The following TRPV2 variants were observed in gnomAD, a reference collection of about 807,000 sequenced individuals.
The protein encoded by TRPV2 is OTRPC2.
In TRPV2, 58 loss-of-function variants were observed where a neutral mutation model predicts 91.0. That is an observed-to-expected ratio of 0.64 (90% confidence interval 0.52 to 0.79). The LOEUF is 0.79. TRPV2 is among the 30% of genes least tolerant of loss of function. The pLI is 0.00. For missense variants in TRPV2, 807 were observed against 969.6 expected (o/e 0.83, Z 2.23); for synonymous variants, 417 against 414.8 (o/e 1.01, Z -0.06).
chr17:16,421,256 C>T lies in TRPV2; in HGVS notation c.334+1008C>T, dbSNP rs1313282617. ...ACGGAGTCTTGCTCTGTTGCCCAGC[C>T]TGGAGTACAGTGGTGCGATCTCAGT... On this transcript the variant is annotated intron_variant, in intron 3 of 14. Coordinates refer to ENST00000338560, the MANE Select transcript of TRPV2 (RefSeq NM_016113.5). 4.6e-5 allele frequency among the ~76,000 whole-genome samples: 7 copies of T among 151,974 alleles called. No homozygotes were observed. In the South Asian group the frequency reaches 8.3e-4, roughly 18 times the overall value.
At chr17:16,427,191 G>T (rs1327752227) in intron 7 of TRPV2, among the ~76,000 whole-genome samples, 2 of 152,186 alleles carry the variant, frequency 1.3e-5, no homozygotes, top group Non-Finnish European at 2.9e-5. Context: ...TAAGTAACTT[G>T]CCCAGGGTCA....
At chr17:16,431,895 T>TC in intron 11 of TRPV2, 45 bp downstream of exon 11, 1 of 1,613,684 alleles carries the variant, frequency 6.2e-7, no homozygotes. Context: ...ACGTTCCTTG[T>TC]CCACCCTGTA....
rs1322683763 is a variant in TRPV2, at chr17:16,428,449, G to A, written c.1421+62G>A. ...TCTGAGGTCTGGAAGGGGCAGTTGT[G>A]GCAGAAGGCACCAGGTTGGCTTTAG... On this transcript the variant is annotated intron_variant, in intron 9 of 14. Coordinates refer to ENST00000338560, the MANE Select transcript of TRPV2 (RefSeq NM_016113.5). The A allele has an allele frequency of 5.8e-6, 9 of 1,562,236 alleles. No individual in the cohort carries two copies. In the East Asian group the frequency reaches 1.1e-4, roughly 19 times the overall value.
At chr17:16,422,399 G>A (rs1274722897) in intron 3 of TRPV2, among the ~76,000 whole-genome samples, 200 bp from the exon 4 acceptor site, 1 of 151,964 alleles carries the variant, frequency 6.6e-6, no homozygotes, top group Non-Finnish European at 1.5e-5. Flanking sequence ...AGAAATTGTA[G>A]TCATGTCTGT....
intron 12 of TRPV2, among the ~76,000 whole-genome samples, chr17:16,432,870 A>G (rs1039063340): frequency 2.0e-5 from 3 of 151,118 alleles, no homozygotes; most frequent in Admixed American, 1.3e-4. Context: ...CAATGGTGCA[A>G]TCTTGGCTCA....
intron 5 of TRPV2, among the ~76,000 whole-genome samples, chr17:16,425,684 G>C (rs1213464360): frequency 6.6e-6 from 1 of 152,130 alleles, no homozygotes; most frequent in African/African-American, 2.4e-5. Context: ...CGTGAAACCA[G>C]ACTGCTTCCT....
intron 1 of TRPV2, among the ~76,000 whole-genome samples, chr17:16,417,154 C>T (rs538765567): frequency 1.3e-5 from 2 of 152,302 alleles, no homozygotes; most frequent in South Asian, 2.1e-4. Context: ...TCCTGGCCCA[C>T]TTCCCCTGCA....
intron 12 of TRPV2, chr17:16,433,255 G>T (rs531665777): frequency 2.9e-5 from 8 of 275,902 alleles, no homozygotes; most frequent in Admixed American, 4.9e-5. Context: ...TTCTGTTCCT[G>T]GTGGTGTGGC....
At position 16,432,318 on chromosome 17, in the gene TRPV2, C is replaced by G; in HGVS notation, c.1989+18C>G. Reference sequence around the variant, plus strand: ...AGCTGCAGGTGCCACCAGAGAGGCTCCCTGCCCCCACCCCACCCCACACTC... The same window carrying G: ...AGCTGCAGGTGCCACCAGAGAGGCTGCCTGCCCCCACCCCACCCCACACTC... On this transcript the variant is annotated intron_variant, in intron 12 of 14. Transcript: ENST00000338560. The G allele has an allele frequency of 6.3e-7, 1 of 1,585,886 alleles. No individual in the cohort carries two copies. Among genetic ancestry groups the G allele is most frequent in the South Asian group, 1.1e-5 (1 of 87,338 alleles).
Position 16,426,903 on chromosome 17 carries a change from A to G in TRPV2, c.1251+26A>G. On this transcript the variant is annotated intron_variant, in intron 7 of 14. Transcript: ENST00000338560. This position sits in a 1 kb window ranked among gnomAD's most constrained non-coding sequence, Gnocchi z 6.0. Reference sequence around the variant, plus strand: ...GCAAGGGCGTGAGGTTTGGGGGGGCACATCTTGGGGGAGGCCTGCTTGAAA... The same window carrying G: ...GCAAGGGCGTGAGGTTTGGGGGGGCGCATCTTGGGGGAGGCCTGCTTGAAA... 6.3e-7 allele frequency: 1 copy of G among 1,593,076 alleles called. No homozygotes were observed. The highest frequency in any genetic ancestry group is 8.6e-7 in the Non-Finnish European group (1 of 1,168,446).
intron 7 of TRPV2, among the ~76,000 whole-genome samples, chr17:16,427,139 C>A (rs2093387370): frequency 6.6e-6 from 1 of 152,194 alleles, no homozygotes; most frequent in Non-Finnish European, 1.5e-5. Context: ...GAATTATAAT[C>A]ACCCCCAGTT....
Position 16,426,732 on chromosome 17 carries a change from G to C in TRPV2, c.1106G>C (p.Arg369Pro). The C allele has an allele frequency of 1.2e-6, 2 of 1,613,556 alleles. No individual in the cohort carries two copies. The highest frequency in any genetic ancestry group is 1.7e-6 in the Non-Finnish European group (2 of 1,179,734). The stretch of plus-strand genomic sequence containing the variant: ...CCCTCCCCACCCCAGCACCGACACC[G>C]AATGGTCGTTTTGGAGCCCCTGAAC... ...AFHCKSPHRH[R>P]MVVLEPLNKL... The change falls in exon 7 of 15, where the codon CGA (arginine) becomes CCA (proline). Residue 369 changes from arginine (R) to proline (P), a missense_variant. Arg to Pro is a moderately radical substitution (Grantham distance 103). Transcript: ENST00000338560. This position sits in a 1 kb window ranked among gnomAD's most constrained non-coding sequence, Gnocchi z 6.0.
chr17:16,430,768 G>A (rs34419652), intron 10 of TRPV2, among the ~76,000 whole-genome samples: 28,167 of 152,124 alleles, frequency 0.19, 3,251 homozygotes, highest in Middle Eastern at 0.29. Flanking sequence ...ATTGCAGGCT[G>A]AGCCATCACG....
chr17:16,420,384 G>A, intron 3 of TRPV2, 136 bp downstream of exon 3: 1 of 1,151,838 alleles, frequency 8.7e-7, no homozygotes, highest in South Asian at 1.6e-5. Flanking sequence ...GATGGCTGGG[G>A]GGCCCTGTGG....
chr17:16,422,941 T>G lies in TRPV2; in HGVS notation c.625+52T>G, dbSNP rs746619629. ...GAGGCAAAGAGAGAGTAAGGCCTGG[T>G]TCAAGGTCACATGGTTAGTGTATGA... On this transcript the variant is annotated intron_variant, in intron 4 of 14. Coordinates refer to ENST00000338560, the MANE Select transcript of TRPV2 (RefSeq NM_016113.5). The G allele has an allele frequency of 3.3e-6, 5 of 1,523,934 alleles. No homozygotes were observed. The South Asian group carries it at 3.7e-5, about 11-fold the overall frequency. The allele number at this position is 1,523,934 out of a possible 1,614,324, so 94.4% of individuals were successfully genotyped here.
chr17:16,422,531 C>T, intron 3 of TRPV2, 68 bp from the exon 4 acceptor site: 1 of 1,515,662 alleles, frequency 6.6e-7, no homozygotes, highest in Non-Finnish European at 9.0e-7. Context: ...CTTATAAGAG[C>T]TATCGGGCAG....
At chr17:16,434,444 G>A (rs1194460206) in intron 13 of TRPV2, among the ~76,000 whole-genome samples, 1 of 147,664 alleles carries the variant, frequency 6.8e-6, no homozygotes, top group African/African-American at 2.5e-5. Context: ...CTCCAGCCTG[G>A]GCGACAGAGC....
In TRPV2 at chr17:16,431,285, A is replaced by T. The variant is rs1568918999; in HGVS notation, c.1588-499A>T. 3.5e-3 allele frequency among the ~76,000 whole-genome samples: 154 copies of T among 43,694 alleles called. 1 individual carries two copies. The highest frequency in any genetic ancestry group is 0.012 in the African/African-American group (147 of 12,156). The allele number at this position is 43,694 out of a possible 152,430, so 28.7% of individuals were successfully genotyped here. A position where few individuals can be genotyped will look rare whatever the true frequency, so the allele number is the denominator to read the frequency against. ...TATATATATATATATATATATATAT[A>T]TACATATTTTTTTTTTTTTTTTTTT... On this transcript the variant is annotated intron_variant, in intron 10 of 14. Transcript: ENST00000338560.
chr17:16,432,050 G>A lies in TRPV2; in HGVS notation c.1739G>A (p.Gly580Glu), dbSNP rs1183253761. 4 of 1,613,718 alleles carry A rather than the reference G, an allele frequency of 2.5e-6. No homozygotes were observed. The highest frequency in any genetic ancestry group is 3.4e-6 in the Non-Finnish European group (4 of 1,179,768). Residue 580 changes from glycine to glutamate, a missense_variant, in exon 12 of 15, where the codon GGA becomes GAA. Transcript: ENST00000338560. ...ACAGAGTCAGTGCAGCCCATGGAGG[G>A]ACAGGAGGACGAGGGCAACGGGGCC... ...NATESVQPME[G>E]QEDEGNGAQY...
Sources: allele counts gnomAD v4.1 joint callset (sites outside exome capture counted in the v4.1 genomes callset), GRCh38; gene constraint gnomAD v4.1.1; non-coding constraint Gnocchi (gnomAD v3.1); transcripts MANE v1.5; gene names NCBI Gene and HGNC (gene_info 2026-07-23, HGNC 2026-07-21).